The following FUT9 variants were observed in gnomAD, a reference collection of about 807,000 sequenced individuals.
FUT9 encodes fucosyltransferase 9.
FUT9 carries 15 observed loss-of-function variants against 29.7 expected under a neutral mutation model. That is an observed-to-expected ratio of 0.51 (90% CI 0.34 to 0.78). The LOEUF is 0.78. Ranked by LOEUF, FUT9 falls within the 30% of genes least tolerant of loss-of-function variation. The pLI, the probability that FUT9 is intolerant of heterozygous loss-of-function variation, is 0.01. For missense variants in FUT9, 319 were observed against 425.4 expected (o/e 0.75, Z 2.20); for synonymous variants, 169 against 153.7 (o/e 1.10, Z -0.74).
chr6:96,069,106 G>A (rs1232279824), intron 1 of FUT9, among the ~76,000 whole-genome samples: 2 of 152,152 alleles, frequency 1.3e-5, no homozygotes, highest in African/African-American at 2.4e-5. Flanking sequence ...CACGAGGTCA[G>A]AAGTTCAAGA....
rs778777463 is a variant in FUT9 at position 96,203,671 on chromosome 6, G to A, written c.516G>A (p.Thr172=). 1.1e-5 allele frequency: 18 copies of A among 1,613,918 alleles called. No homozygotes were observed. Among genetic ancestry groups the A allele is most frequent in the East Asian group, 2.2e-5 (1 of 44,868 alleles). The change falls in exon 3 of 3, where the codon ACG becomes ACA. Residue 172 remains threonine, a synonymous_variant. Coordinates refer to ENST00000302103, the MANE Select transcript of FUT9 (RefSeq NM_006581.4). ...SDIQVPYGFL[T]VSTNPFVFEV... ...TCCAAGTGCCTTATGGCTTCTTGAC[G>A]GTAAGCACAAATCCCTTCGTGTTTG...
intron 2 of FUT9, among the ~76,000 whole-genome samples, chr6:96,185,322 G>A (rs1773386743): frequency 2.0e-5 from 3 of 151,972 alleles, no homozygotes; most frequent in Admixed American, 2.0e-4. Flanking sequence ...CAAGGAGAGA[G>A]GGAATGAGAT....
chr6:96,092,573 A>C (rs187075751), intron 1 of FUT9, among the ~76,000 whole-genome samples: 23 of 152,064 alleles, frequency 1.5e-4, no homozygotes, highest in Non-Finnish European at 2.8e-4. Flanking sequence ...CTCCAGCTTC[A>C]CCTGACTTCT....
chr6:96,178,745 T>A (rs1773250700), intron 2 of FUT9, among the ~76,000 whole-genome samples: 1 of 152,128 alleles, frequency 6.6e-6, no homozygotes, highest in African/African-American at 2.4e-5. Flanking sequence ...ATGGAAGGAA[T>A]ATGAACTGTA....
intron 1 of FUT9, among the ~76,000 whole-genome samples, chr6:96,101,408 G>A (rs1366429964): frequency 6.6e-6 from 1 of 151,782 alleles, no homozygotes; most frequent in Non-Finnish European, 1.5e-5. Context: ...GATGTGTTGT[G>A]GGGGCTGGGG....
intron 1 of FUT9, among the ~76,000 whole-genome samples, chr6:96,078,710 G>A (rs566870421): frequency 6.3e-4 from 96 of 151,920 alleles, no homozygotes; most frequent in African/African-American, 2.1e-3. Flanking sequence ...CTGAGCCACC[G>A]CACCCGGCCC....
At chr6:96,047,537 T>C (rs1770584796) in intron 1 of FUT9, among the ~76,000 whole-genome samples, 1 of 152,116 alleles carries the variant, frequency 6.6e-6, no homozygotes, top group African/African-American at 2.4e-5. Flanking sequence ...AAAATTTTGG[T>C]TTTGTTCCTG....
intron 2 of FUT9, among the ~76,000 whole-genome samples, chr6:96,134,325 A>G (rs763825591): frequency 4.6e-5 from 7 of 151,910 alleles, no homozygotes; most frequent in Non-Finnish European, 8.8e-5. Flanking sequence ...TCCTGTGACT[A>G]TATCATGGAT....
chr6:96,142,550 G>C (rs4144271), intron 2 of FUT9, among the ~76,000 whole-genome samples: 85,645 of 151,974 alleles, frequency 0.56, 25,040 homozygotes, highest in East Asian at 0.68. Flanking sequence ...CATTAACTAA[G>C]ATAGCACAAC....
At chr6:96,020,873 T>C (rs1770056391) in intron 1 of FUT9, 1 of 152,092 alleles carries the variant, frequency 6.6e-6, no homozygotes, top group African/African-American at 2.4e-5. Context: ...AAAACTACAC[T>C]TCTAAGGCTC....
intron 2 of FUT9, among the ~76,000 whole-genome samples, chr6:96,117,679 C>A (rs145452065): frequency 2.6e-4 from 40 of 152,300 alleles, no homozygotes; most frequent in African/African-American, 9.1e-4. Context: ...GGAGCATCTA[C>A]ATAGAACAAT....
chr6:96,167,531 C>T (rs768274305), intron 2 of FUT9, among the ~76,000 whole-genome samples: 4 of 152,182 alleles, frequency 2.6e-5, no homozygotes, highest in Non-Finnish European at 5.9e-5. Flanking sequence ...TTATGAAGCA[C>T]TTACTGTGTG....
rs1451905959 is a variant in FUT9 at position 96,213,044 on chromosome 6, A to G, written c.*8809A>G. 6.0e-6 allele frequency: 1 copy of G among 166,910 alleles called. No individual in the cohort carries two copies. The highest frequency in any genetic ancestry group is 1.5e-5 in the Non-Finnish European group (1 of 68,014). 10.3% of individuals were successfully genotyped at this position (166,910 alleles called of 1,614,324 possible). A position where few individuals can be genotyped will look rare whatever the true frequency, so the allele number is the denominator to read the frequency against. ...CTTGATGAATTGGTTAGAAATTCTA[A>G]TTTAATTAGCCTGGCACAGTGCACA... On this transcript the variant is annotated 3_prime_UTR_variant, in exon 3 of 3. Coordinates refer to ENST00000302103, the MANE Select transcript of FUT9 (RefSeq NM_006581.4).
intron 1 of FUT9, among the ~76,000 whole-genome samples, chr6:96,064,296 G>A (rs1362870513): frequency 2.0e-5 from 3 of 152,116 alleles, no homozygotes; most frequent in African/African-American, 7.2e-5. Flanking sequence ...CTGAGACCCA[G>A]CCTGGGTCTC....
At chr6:96,097,886 C>G (rs1771526595) in intron 1 of FUT9, among the ~76,000 whole-genome samples, 1 of 151,964 alleles carries the variant, frequency 6.6e-6, no homozygotes, top group South Asian at 2.1e-4. Context: ...AAGAAAGTCA[C>G]CTTCATATAA....
At chr6:96,067,137 CAT>C (rs879283068) in intron 1 of FUT9, among the ~76,000 whole-genome samples, 4 of 148,830 alleles carry the variant, frequency 2.7e-5, no homozygotes, top group Admixed American at 2.0e-4. Flanking sequence ...TATATGTATA[CAT>C]ATATATATAT....
chr6:96,141,284 G>A (rs919868415), intron 2 of FUT9, among the ~76,000 whole-genome samples: 2 of 151,970 alleles, frequency 1.3e-5, no homozygotes, highest in South Asian at 4.2e-4. Context: ...TCCAAAGTTT[G>A]GAATACTACT....
At chr6:96,158,368 T>A (rs1772829781) in intron 2 of FUT9, among the ~76,000 whole-genome samples, 1 of 152,232 alleles carries the variant, frequency 6.6e-6, no homozygotes, top group Non-Finnish European at 1.5e-5. Context: ...TTTTCTATAA[T>A]ATATATGATA....
In FUT9 at chr6:96,209,384, G is replaced by A. The variant is rs1355600130; in HGVS notation, c.*5149G>A. ...GAATATAGAAAGTGCTCAATTAACT[G>A]ACATTCCTCCTGTATTTCCTCCCTC... On this transcript the variant is annotated 3_prime_UTR_variant, in exon 3 of 3. Transcript: ENST00000302103. 1 of 166,810 alleles carries A rather than the reference G, an allele frequency of 6.0e-6. No individual in the cohort carries two copies. Among genetic ancestry groups the A allele is most frequent in the Non-Finnish European group, 1.5e-5 (1 of 68,010 alleles). The allele number at this position is 166,810 out of a possible 1,614,324, so 10.3% of individuals were successfully genotyped here.
Sources: allele counts gnomAD v4.1 joint callset (sites outside exome capture counted in the v4.1 genomes callset), GRCh38; gene constraint gnomAD v4.1.1; transcripts MANE v1.5; gene names NCBI Gene and HGNC (gene_info 2026-07-23, HGNC 2026-07-21).